The following ITGAX variants were observed in gnomAD, a reference collection of about 807,000 sequenced individuals.
The protein encoded by ITGAX is integrin alpha-X.
In ITGAX, 99 loss-of-function variants were observed where a neutral mutation model predicts 140.2. That is an observed-to-expected ratio of 0.71 (90% CI 0.60 to 0.83). ITGAX has a LOEUF of 0.83. Ranked by LOEUF, ITGAX falls within the 40% of genes least tolerant of loss-of-function variation. ITGAX has a pLI of 0.00. For synonymous variants in ITGAX, 631 were observed against 600.4 expected (o/e 1.05, Z -0.75); for missense variants, 1,444 against 1,482.0 (o/e 0.97, Z 0.42).
rs773816266 is a variant in ITGAX, at chr16:31,355,958, G to A, written c.103G>A (p.Ala35Thr). 51 of 1,613,662 alleles carry A rather than the reference G, an allele frequency of 3.2e-5. No individual in the cohort carries two copies. Among genetic ancestry groups the A allele is most frequent in the East Asian group, 6.7e-5 (3 of 44,868 alleles). The change falls in exon 2 of 30, where the codon GCT becomes ACT. Residue 35 changes from alanine to threonine, a missense_variant. Transcript: ENST00000268296. ...GCTGACAGCCTTCCGTGTGGACAGCGCTGGGTTTGGAGACAGCGTGGTCCA... is the reference window on the plus strand; with the variant it reads ...GCTGACAGCCTTCCGTGTGGACAGCACTGGGTTTGGAGACAGCGTGGTCCA... ...EELTAFRVDSAGFGDSVVQYA... is the reference protein window; with the variant it reads ...EELTAFRVDSTGFGDSVVQYA...
chr16:31,359,850 A>G lies in ITGAX; in HGVS notation c.561+20A>G. The G allele has an allele frequency of 6.2e-7, 1 of 1,613,922 alleles. No individual in the cohort carries two copies. Among genetic ancestry groups the G allele is most frequent in the Non-Finnish European group, 8.5e-7 (1 of 1,179,940 alleles). On this transcript the variant is annotated intron_variant, in intron 6 of 29. Transcript: ENST00000268296. ...ACCCAGGTGTGCCTTTGGGGGAGGG[A>G]GGCTGCTGGGGGTGGGTGCTTCGAT...
At position 31,359,749 on chromosome 16, in the gene ITGAX, C is replaced by G. The variant is rs745437742; in HGVS notation, c.480C>G (p.Gly160=). The G allele has an allele frequency of 6.2e-7, 1 of 1,614,052 alleles. No individual in the cohort carries two copies. The highest frequency in any genetic ancestry group is 2.2e-5 in the East Asian group (1 of 44,896). ...TTGTGTTCCTGATCGATGGCTCAGG[C>G]AGCATCTCCTCCCGCAACTTTGCCA... ...QDIVFLIDGS[G]SISSRNFATM... Residue 160 remains glycine (G), a synonymous_variant, in exon 6 of 30, where the codon GGC becomes GGG. Transcript: ENST00000268296.
At chr16:31,359,357 G>T (rs778570908) in intron 5 of ITGAX, among the ~76,000 whole-genome samples, 22 of 151,908 alleles carry the variant, frequency 1.4e-4, no homozygotes, top group Non-Finnish European at 2.4e-4. Context: ...GTAGAGACGG[G>T]GTTTCACCAT....
At position 31,381,990 on chromosome 16, in the gene ITGAX, A is replaced by ACCACT; in HGVS notation, c.*84_*88dup. The ACCACT allele has an allele frequency of 6.7e-7, 1 of 1,491,942 alleles. No homozygotes were observed. The allele number at this position is 1,491,942 out of a possible 1,614,324, so 92.4% of individuals were successfully genotyped here. A position where few individuals can be genotyped will look rare whatever the true frequency, so the allele number is the denominator to read the frequency against. ...CACCTGTCAGGCCTGACGGGGAGGA[A>ACCACT]CCACTGCACCACCGAGAGAGGCTGG... is the stretch of plus-strand genomic sequence containing the variant. On this transcript the variant is annotated 3_prime_UTR_variant, in exon 30 of 30. Transcript: ENST00000268296.
At chr16:31,355,745 G>C in intron 1 of ITGAX, 148 bp from the exon 2 acceptor site, 1 of 672,854 alleles carries the variant, frequency 1.5e-6, no homozygotes, top group Non-Finnish European at 2.7e-6. Context: ...CTGGGAAGGA[G>C]AGAAGGGGAT....
At chr16:31,368,614 T>C (rs993238719) in intron 14 of ITGAX, among the ~76,000 whole-genome samples, 1 of 151,732 alleles carries the variant, frequency 6.6e-6, no homozygotes, top group Non-Finnish European at 1.5e-5. Context: ...TTTTTTTATT[T>C]TTTATTTTTT....
chr16:31,355,817 G>T (rs1484821837), intron 1 of ITGAX, 76 bp from the exon 2 acceptor site: 10 of 1,143,642 alleles, frequency 8.7e-6, no homozygotes, highest in South Asian at 4.1e-5. Flanking sequence ...AGATTGGGAC[G>T]CTGGGGCCGG....
At chr16:31,357,759 C>G in intron 5 of ITGAX, 1 of 419,574 alleles carries the variant, frequency 2.4e-6, no homozygotes, top group East Asian at 3.5e-5. Flanking sequence ...TGGGATATGA[C>G]CAATTGGTTT....
Position 31,360,333 on chromosome 16 carries a change from A to T in ITGAX, c.731A>T (p.Tyr244Phe). 1.2e-6 allele frequency: 2 copies of T among 1,613,498 alleles called. No homozygotes were observed. The highest frequency in any genetic ancestry group is 8.5e-7 in the Non-Finnish European group (1 of 1,179,634). Reference protein sequence around the residue: ...NVVHRLFHASYGARRDAAKIL... With the variant: ...NVVHRLFHASFGARRDAAKIL... ...AGGCACCGATTGTTCCATGCCTCAT[A>T]TGGGGCCCGTAGGGATGCCGCCAAA... The change falls in exon 8 of 30, where the codon TAT becomes TTT. Residue 244 changes from tyrosine (Y) to phenylalanine (F), a missense_variant. By Grantham distance (22) the Tyr-to-Phe change is conservative. Transcript: ENST00000268296.
At position 31,382,689 on chromosome 16, in the gene ITGAX, T is replaced by A. The variant is rs2081080651; in HGVS notation, c.*782T>A. On this transcript the variant is annotated 3_prime_UTR_variant, in exon 30 of 30. Transcript: ENST00000268296. ...CTGAATTGGGAGTGAGATGCCTGCA[T>A]GCTGGGTTCTGCACAGCTGGCCTCC... 9 of 604,492 alleles carry A rather than the reference T, an allele frequency of 1.5e-5. No individual in the cohort carries two copies. Among genetic ancestry groups the A allele is most frequent in the South Asian group, 1.5e-4 (8 of 53,748 alleles). The allele number at this position is 604,492 out of a possible 1,614,324, so 37.4% of individuals were successfully genotyped here. A position where few individuals can be genotyped will look rare whatever the true frequency, so the allele number is the denominator to read the frequency against.
At position 31,380,785 on chromosome 16, in the gene ITGAX, C is replaced by T. The variant is rs972019203; in HGVS notation, c.3277-112C>T. On this transcript the variant is annotated intron_variant, in intron 28 of 29. Transcript: ENST00000268296. ...GCACGGGTGCTGCTGTGTCTCACCT[C>T]TTGGAGCAGGGCCTGGGGAAGGAGG... 89 of 1,272,376 alleles carry T rather than the reference C, an allele frequency of 7.0e-5. No individual in the cohort carries two copies. The African/African-American group carries it at 1.2e-3, about 17-fold the overall frequency. The allele number at this position is 1,272,376 out of a possible 1,614,324, so 78.8% of individuals were successfully genotyped here. A position where few individuals can be genotyped will look rare whatever the true frequency, so the allele number is the denominator to read the frequency against.
intron 10 of ITGAX, 28 bp downstream of exon 10, chr16:31,361,937 G>A (rs373118041): frequency 7.4e-6 from 12 of 1,613,478 alleles, no homozygotes; most frequent in Non-Finnish European, 1.0e-5. Context: ...GGCCGATGAT[G>A]TGCCGTGAGG....
chr16:31,380,033 T>C lies in ITGAX; in HGVS notation c.3028T>C (p.Phe1010Leu). 6.2e-7 allele frequency: 1 copy of C among 1,614,154 alleles called. No individual in the cohort carries two copies. Among genetic ancestry groups the C allele is most frequent in the South Asian group, 1.1e-5 (1 of 91,078 alleles). The change falls in exon 26 of 30, where the codon TTC (phenylalanine) becomes CTC (leucine). Residue 1010 changes from phenylalanine (F) to leucine (L), a missense_variant. Coordinates refer to ENST00000268296, the MANE Select transcript of ITGAX (RefSeq NM_000887.5). ...SEKIAPPASD[F>L]LAHIQKNPVL... is the part of the protein sequence containing the mutation. Reference sequence around the variant, plus strand: ...GAAAATCGCACCCCCAGCATCTGACTTCCTGGCGCACATTCAGAAGAATCC... The same window carrying C: ...GAAAATCGCACCCCCAGCATCTGACCTCCTGGCGCACATTCAGAAGAATCC...
chr16:31,375,637 T>C (rs988835179), intron 20 of ITGAX, among the ~76,000 whole-genome samples: 4 of 152,272 alleles, frequency 2.6e-5, no homozygotes, highest in African/African-American at 4.8e-5. Context: ...TGTGTAACTG[T>C]CTCAAAAATA....
At chr16:31,378,913 C>T (rs1289617888) in intron 23 of ITGAX, among the ~76,000 whole-genome samples, 2 of 151,680 alleles carry the variant, frequency 1.3e-5, no homozygotes, top group South Asian at 2.1e-4. Context: ...CCTCCTGGCT[C>T]CAAGCAATTC....
In ITGAX at chr16:31,381,861, C is replaced by T. The variant is rs2081071695; in HGVS notation, c.3446C>T (p.Ala1149Val). 3 of 878,138 alleles carry T rather than the reference C, an allele frequency of 3.4e-6. No homozygotes were observed. The highest frequency in any genetic ancestry group is 2.4e-5 in the East Asian group (1 of 41,720). The allele number at this position is 878,138 out of a possible 1,614,324, so 54.4% of individuals were successfully genotyped here. A position where few individuals can be genotyped will look rare whatever the true frequency, so the allele number is the denominator to read the frequency against. ...EMMEEANGQIAPENGTQTPSP... is the reference protein window; with the variant it reads ...EMMEEANGQIVPENGTQTPSP... ...ATGGAGGAGGCAAATGGACAAATTG[C>T]CCCAGAAAACGGGACACAGACCCCC... The change falls in exon 30 of 30, where the codon GCC becomes GTC. Residue 1149 changes from alanine (A) to valine (V), a missense_variant. By Grantham distance (64) the Ala-to-Val change is moderately conservative. Transcript: ENST00000268296.
At position 31,373,383 on chromosome 16, in the gene ITGAX, A is replaced by G; in HGVS notation, c.2501A>G (p.Glu834Gly). Residue 834 changes from glutamate to glycine, a missense_variant, in exon 20 of 30, where the codon GAG (glutamate) becomes GGG (glycine). Glu to Gly is a moderately conservative substitution (Grantham distance 98). Transcript: ENST00000268296. Reference protein sequence around the residue: ...PAGLSYRYVAEGQKQGQLRSL... With the variant: ...PAGLSYRYVAGGQKQGQLRSL... The stretch of plus-strand genomic sequence containing the variant: ...GGACTGTCCTACCGCTACGTGGCAG[A>G]GGGCCAGGTGCACCCTCTGGGGAAG... The G allele has an allele frequency of 2.5e-6, 4 of 1,610,732 alleles. 1 individual carries two copies. The Middle Eastern group carries it at 7.6e-4, about 308-fold the overall frequency.
chr16:31,372,817 T>C, intron 19 of ITGAX, 147 bp downstream of exon 19: 1 of 785,258 alleles, frequency 1.3e-6, no homozygotes, highest in Non-Finnish European at 2.1e-6. Flanking sequence ...ACGCCTGTAA[T>C]CCCAGCACTT....
chr16:31,357,944 T>G, intron 5 of ITGAX: 1 of 169,396 alleles, frequency 5.9e-6, no homozygotes, highest in Non-Finnish European at 1.3e-5. Flanking sequence ...GGGCCTGACT[T>G]CCCTGGTGCT....
Sources: gnomAD v4.1 joint callset for allele counts (sites outside exome capture counted in the v4.1 genomes callset) on GRCh38, gnomAD v4.1.1 for gene constraint, MANE v1.5 for transcripts, NCBI Gene and HGNC (gene_info 2026-07-23, HGNC 2026-07-21) for gene names.